SPAG16: variants seen among roughly 807,000 people sequenced by gnomAD.
The protein encoded by SPAG16 is sperm-associated antigen 16 protein.
Under a neutral mutation model 80.4 loss-of-function variants are expected in SPAG16, and 86 were observed. The observed-to-expected ratio is 1.07, with a 90% confidence interval of 0.90 to 1.28. SPAG16 has a LOEUF of 1.28. SPAG16 is among the 50% of genes most tolerant of loss of function. SPAG16 has a pLI of 0.00. For synonymous variants in SPAG16, 294 were observed against 265.9 expected, an observed-to-expected ratio of 1.11 and a Z score of -1.03; for missense variants, 870 against 765.3, an observed-to-expected ratio of 1.14 and a Z score of -1.61.
chr2:213,969,955 A>AT (rs2044932990), intron 12 of SPAG16, among the ~76,000 whole-genome samples: 4 of 152,216 alleles, frequency 2.6e-5, no homozygotes, highest in African/African-American at 7.2e-5. Context: ...AAACAAATTT[A>AT]TTTTTCACAT....
intron 9 of SPAG16, among the ~76,000 whole-genome samples, chr2:213,425,093 G>C (rs1050958660): frequency 1.3e-5 from 2 of 152,128 alleles, no homozygotes; most frequent in South Asian, 4.1e-4. Context: ...GGAGGCTGAG[G>C]TGGGCGGATC....
chr2:213,968,092 C>G (rs546129203), intron 12 of SPAG16, among the ~76,000 whole-genome samples: 1 of 123,872 alleles, frequency 8.1e-6, no homozygotes, highest in South Asian at 2.9e-4. Flanking sequence ...TTCTTCTTTC[C>G]TTCTTTTTTC....
At chr2:213,287,680 A>T (rs2062104774) in intron 1 of SPAG16, among the ~76,000 whole-genome samples, 1 of 152,190 alleles carries the variant, frequency 6.6e-6, no homozygotes. Context: ...AACCCCCAGC[A>T]GCAATTTCTG....
At chr2:213,533,806 A>G (rs943523516) in intron 10 of SPAG16, among the ~76,000 whole-genome samples, 3 of 152,108 alleles carry the variant, frequency 2.0e-5, no homozygotes, top group African/African-American at 7.2e-5. Flanking sequence ...AGTATTTTAT[A>G]TATATTCTTT....
At chr2:213,980,047 T>C (rs531323838) in intron 12 of SPAG16, among the ~76,000 whole-genome samples, 90 of 151,714 alleles carry the variant, frequency 5.9e-4, no homozygotes, top group Non-Finnish European at 1.0e-3. Flanking sequence ...AGAACCAGAC[T>C]TACTGAAATC....
chr2:213,663,538 A>T (rs80004901), intron 10 of SPAG16, among the ~76,000 whole-genome samples: 1,959 of 152,190 alleles, frequency 0.013, 41 homozygotes, highest in African/African-American at 0.044. Flanking sequence ...CACTTAGAGG[A>T]TTATAATCAC....
intron 12 of SPAG16, among the ~76,000 whole-genome samples, chr2:213,947,998 A>G (rs2079548871): frequency 6.6e-6 from 1 of 152,014 alleles, no homozygotes; most frequent in South Asian, 2.1e-4. Flanking sequence ...CTGATCATCA[A>G]TTGCTGTATT....
In SPAG16 at chr2:213,416,771, A is replaced by T. The variant is rs562384889; in HGVS notation, c.942+41652A>T. Among the ~76,000 whole-genome samples, 989 of 152,314 alleles carry T rather than the reference A, an allele frequency of 6.5e-3. 16 individuals are homozygous for T. The highest frequency in any genetic ancestry group is 0.023 in the African/African-American group (940 of 41,566). ...AGAGGAGACAGAAGAGAGGATCAGG[A>T]AAACAAAGTTCATTATACTCATGAT... On this transcript the variant is annotated intron_variant, in intron 9 of 15. Coordinates refer to ENST00000331683, the MANE Select transcript of SPAG16 (RefSeq NM_024532.5).
intron 12 of SPAG16, among the ~76,000 whole-genome samples, chr2:213,961,739 A>G (rs1397031946): frequency 1.3e-5 from 2 of 151,932 alleles, no homozygotes; most frequent in African/African-American, 4.8e-5. Context: ...CTCACTGTTC[A>G]TTGTGTATAA....
At chr2:213,678,497 A>G (rs963698462) in intron 10 of SPAG16, among the ~76,000 whole-genome samples, 5 of 152,126 alleles carry the variant, frequency 3.3e-5, no homozygotes, top group South Asian at 2.1e-4. Context: ...ACACCTCTAC[A>G]CAAATAAACT....
At chr2:214,135,398 C>G (rs1007160468) in intron 14 of SPAG16, among the ~76,000 whole-genome samples, 2 of 152,176 alleles carry the variant, frequency 1.3e-5, no homozygotes, top group African/African-American at 4.8e-5. Context: ...TGTTGACATG[C>G]TCCTAAAGCT....
chr2:213,928,002 A>G (rs192196727), intron 11 of SPAG16, among the ~76,000 whole-genome samples: 11 of 152,330 alleles, frequency 7.2e-5, no homozygotes, highest in Admixed American at 2.0e-4. Context: ...ATTGTGGCAA[A>G]AACAGTTTTT....
At chr2:214,251,272 A>G (rs1292596172) in intron 15 of SPAG16, among the ~76,000 whole-genome samples, 1 of 112,662 alleles carries the variant, frequency 8.9e-6, no homozygotes, top group East Asian at 3.4e-4. Flanking sequence ...TACTTGTTGC[A>G]GAAAGAAAAA....
rs144724411 is a variant in SPAG16 at position 214,267,338 on chromosome 2, C to T, written c.1720+118072C>T. On this transcript the variant is annotated intron_variant, in intron 15 of 15. Transcript: ENST00000331683. ...ATAGGATAGAGAGCCCAGAAATAAACCCATACATTTATGGTGAATTGATTT... is the reference window on the plus strand; with the variant it reads ...ATAGGATAGAGAGCCCAGAAATAAATCCATACATTTATGGTGAATTGATTT... Among the ~76,000 whole-genome samples, 5 of 151,730 alleles carry T rather than the reference C, an allele frequency of 3.3e-5. No individual in the cohort carries two copies. In the East Asian group the frequency reaches 7.7e-4, roughly 23 times the overall value.
At chr2:213,702,435 C>T (rs553455925) in intron 10 of SPAG16, among the ~76,000 whole-genome samples, 3 of 152,188 alleles carry the variant, frequency 2.0e-5, no homozygotes, top group African/African-American at 4.8e-5. Flanking sequence ...CGAAGGTCTG[C>T]ACCTTCACTT....
At chr2:213,867,287 T>G (rs1380952825) in intron 11 of SPAG16, among the ~76,000 whole-genome samples, 1 of 152,204 alleles carries the variant, frequency 6.6e-6, no homozygotes, top group African/African-American at 2.4e-5. Flanking sequence ...TCATTGAAAA[T>G]GGTAAATGAA....
chr2:214,031,619 AAT>A (rs2048418707), intron 13 of SPAG16, among the ~76,000 whole-genome samples: 2 of 75,810 alleles, frequency 2.6e-5, no homozygotes, highest in Admixed American at 1.8e-4. Context: ...AATAAAATAA[AAT>A]AAACATGAAA....
intron 13 of SPAG16, among the ~76,000 whole-genome samples, chr2:214,106,333 ATG>A (rs2053382285): frequency 6.6e-6 from 1 of 152,068 alleles, no homozygotes; most frequent in Non-Finnish European, 1.5e-5. Flanking sequence ...GAGAATTGGG[ATG>A]ATTTGAAGTT....
At chr2:213,285,971 ATAGTTTAAT>A (rs1225693257) in intron 1 of SPAG16, 2 of 1,198,410 alleles carry the variant, frequency 1.7e-6, no homozygotes, top group Non-Finnish European at 2.2e-6. Context: ...CCGTGAACAC[ATAGTTTAAT>A]TGTTAACATG....
Sources: allele counts gnomAD v4.1 joint callset (sites outside exome capture counted in the v4.1 genomes callset), GRCh38; gene constraint gnomAD v4.1.1; transcripts MANE v1.5; gene names NCBI Gene and HGNC (gene_info 2026-07-23, HGNC 2026-07-21).